Variants in ADGRB3 observed in about 807,000 individuals in gnomAD.
The protein encoded by ADGRB3 is brain-specific angiogenesis inhibitor 3.
In ADGRB3, 37 loss-of-function variants were observed where a neutral mutation model predicts 193.4. The observed-to-expected ratio is 0.19, with a 90% CI of 0.15 to 0.25. The LOEUF (loss-of-function observed/expected upper bound fraction) is 0.25, where lower values mean the gene tolerates loss of function less well. Ranked by LOEUF, ADGRB3 falls within the 10% of genes least tolerant of loss-of-function variation. ADGRB3 has a pLI of 1.00. For missense variants in ADGRB3, 1,637 were observed against 1,852.9 expected (o/e 0.88, Z 2.14); for synonymous variants, 690 against 644.2 (o/e 1.07, Z -1.08).
chr6:68,899,093 T>G (rs1292089622), intron 3 of ADGRB3, among the ~76,000 whole-genome samples: 1 of 152,174 alleles, frequency 6.6e-6, no homozygotes, highest in Non-Finnish European at 1.5e-5. Context: ...TAATGTAAGA[T>G]GTTAACATTA....
intron 11 of ADGRB3, among the ~76,000 whole-genome samples, chr6:69,007,288 C>T (rs1424257063): frequency 6.6e-6 from 1 of 152,092 alleles, no homozygotes; most frequent in Non-Finnish European, 1.5e-5. Flanking sequence ...TGTTTTTACT[C>T]TTACTCTCCT....
intron 3 of ADGRB3, among the ~76,000 whole-genome samples, chr6:68,710,137 G>A (rs1226545147): frequency 6.6e-6 from 1 of 152,152 alleles, no homozygotes; most frequent in East Asian, 1.9e-4. Context: ...CCCCATCAGG[G>A]GGCTACAGAG....
chr6:69,085,837 T>C (rs1209907974), intron 17 of ADGRB3, among the ~76,000 whole-genome samples: 1 of 151,722 alleles, frequency 6.6e-6, no homozygotes, highest in African/African-American at 2.4e-5. Flanking sequence ...TTATTTAAAA[T>C]ATAGATTTGA....
rs548411007 is a variant in ADGRB3, at chr6:69,367,499, T to C, written c.4240-4907T>C. ...CACCAACAGTGTAAAAGTGTTCCTA[T>C]TTCTCCACATCCTCTCCAGCACCTG... is the stretch of plus-strand genomic sequence containing the variant. On this transcript the variant is annotated intron_variant, in intron 29 of 31. Transcript: ENST00000370598. Among the ~76,000 whole-genome samples, 82 of 152,122 alleles carry C rather than the reference T, an allele frequency of 5.4e-4. No homozygotes were observed. In the South Asian group the frequency reaches 7.5e-3, roughly 14 times the overall value.
chr6:69,043,300 G>GAAAGAAAGAAAGAAAGAAAGA (rs1391628676), intron 13 of ADGRB3, among the ~76,000 whole-genome samples: 1 of 127,024 alleles, frequency 7.9e-6, no homozygotes, highest in East Asian at 2.0e-4. Context: ...GAGAAAGAAA[G>GAAAGAAAGAAAGAAAGAAAGA]AAAGAAAGAA....
chr6:69,152,471 C>T (rs1408861905), intron 17 of ADGRB3, among the ~76,000 whole-genome samples: 2 of 152,074 alleles, frequency 1.3e-5, no homozygotes, highest in South Asian at 2.1e-4. Flanking sequence ...AATTGCTTTC[C>T]AGAATATCTA....
intron 3 of ADGRB3, among the ~76,000 whole-genome samples, chr6:68,736,148 G>A (rs1765866419): frequency 6.6e-6 from 1 of 151,174 alleles, no homozygotes; most frequent in African/African-American, 2.4e-5. Context: ...CTGTAGCTGG[G>A]ACTATAGGCA....
intron 3 of ADGRB3, among the ~76,000 whole-genome samples, chr6:68,791,741 G>A (rs1353073585): frequency 6.6e-6 from 1 of 152,184 alleles, no homozygotes; most frequent in Non-Finnish European, 1.5e-5. Context: ...AGATGTTGAT[G>A]AGCAAGGTAA....
At chr6:68,792,031 G>A (rs906476804) in intron 3 of ADGRB3, among the ~76,000 whole-genome samples, 1 of 152,024 alleles carries the variant, frequency 6.6e-6, no homozygotes, top group Non-Finnish European at 1.5e-5. Flanking sequence ...TCTTTGTTAA[G>A]AAAAAAATTG....
intron 17 of ADGRB3, among the ~76,000 whole-genome samples, chr6:69,150,942 C>T (rs1774658033): frequency 6.6e-6 from 1 of 152,214 alleles, no homozygotes. Context: ...ATTTTGCCCA[C>T]TGCCCAATCC....
chr6:69,125,945 A>G (rs1475620004), intron 17 of ADGRB3, among the ~76,000 whole-genome samples: 2 of 152,172 alleles, frequency 1.3e-5, no homozygotes, highest in Non-Finnish European at 2.9e-5. Flanking sequence ...CAGTGAATTG[A>G]GGAAGCAGTA....
chr6:68,655,287 G>C (rs1460630486), intron 3 of ADGRB3, among the ~76,000 whole-genome samples: 1 of 151,402 alleles, frequency 6.6e-6, no homozygotes, highest in African/African-American at 2.4e-5. Context: ...CTAAACATCA[G>C]GGTTTTGTTT....
chr6:69,070,753 T>C (rs1052303691), intron 16 of ADGRB3, among the ~76,000 whole-genome samples: 1 of 152,182 alleles, frequency 6.6e-6, no homozygotes, highest in Non-Finnish European at 1.5e-5. Flanking sequence ...CTGAAGTAGG[T>C]CTAGAGAAAA....
At chr6:69,356,937 G>A (rs775912892) in intron 28 of ADGRB3, among the ~76,000 whole-genome samples, 5 of 152,012 alleles carry the variant, frequency 3.3e-5, no homozygotes, top group Non-Finnish European at 7.4e-5. Context: ...AACAGAATAT[G>A]CCTCATTTTA....
chr6:68,677,496 AT>A (rs1359293642), intron 3 of ADGRB3, among the ~76,000 whole-genome samples: 3 of 140,502 alleles, frequency 2.1e-5, no homozygotes, highest in Non-Finnish European at 3.1e-5. Context: ...TATCATAGGA[AT>A]TTTTTTCTTT....
At chr6:69,315,839 T>C (rs1768298702) in intron 20 of ADGRB3, among the ~76,000 whole-genome samples, 1 of 151,396 alleles carries the variant, frequency 6.6e-6, no homozygotes, top group African/African-American at 2.4e-5. Flanking sequence ...ATTAGTTTAG[T>C]TTGTCTTATA....
At chr6:69,012,417 C>T (rs184584964) in intron 11 of ADGRB3, among the ~76,000 whole-genome samples, 6 of 152,062 alleles carry the variant, frequency 3.9e-5, no homozygotes, top group Non-Finnish European at 5.9e-5. Context: ...AGCACCATGT[C>T]CCCTACTGAG....
chr6:68,705,690 A>G lies in ADGRB3; in HGVS notation c.757+66258A>G, dbSNP rs539763067. 5.9e-5 allele frequency among the ~76,000 whole-genome samples: 9 copies of G among 152,304 alleles called. No individual in the cohort carries two copies. The South Asian group carries it at 1.9e-3, about 32-fold the overall frequency. Reference sequence around the variant, plus strand: ...ATCTGAGATACGGAAACATTCAGGGACTAGCGCTGAAGAAATAATAGAGCT... The same window carrying G: ...ATCTGAGATACGGAAACATTCAGGGGCTAGCGCTGAAGAAATAATAGAGCT... On this transcript the variant is annotated intron_variant, in intron 3 of 31. Transcript: ENST00000370598.
rs759033729 is a variant in ADGRB3 at position 69,233,080 on chromosome 6, G to T, written c.2481-210G>T. 4.7e-6 allele frequency: 3 copies of T among 645,036 alleles called. No individual in the cohort carries two copies. The Admixed American group carries it at 9.7e-5, about 21-fold the overall frequency. 40.0% of individuals were successfully genotyped at this position (645,036 alleles called of 1,614,324 possible). ...GGCGCTGGACAGCTCTCTGCACGCC[G>T]CACCGCCGCCTGCTTGCTTTTTCCC... is the stretch of plus-strand genomic sequence containing the variant. On this transcript the variant is annotated intron_variant, in intron 17 of 31. Transcript: ENST00000370598.
Sources: gnomAD v4.1 joint callset for allele counts (sites outside exome capture counted in the v4.1 genomes callset) on GRCh38, gnomAD v4.1.1 for gene constraint, MANE v1.5 for transcripts, NCBI Gene and HGNC (gene_info 2026-07-23, HGNC 2026-07-21) for gene names.